The following TTC6 variants were observed in gnomAD, a reference collection of about 807,000 sequenced individuals.
The protein encoded by TTC6 is tetratricopeptide repeat protein 6.
TTC6 carries 172 observed loss-of-function variants against 210.4 expected under a neutral mutation model. That is an observed-to-expected ratio of 0.82 (90% CI 0.72 to 0.93). The LOEUF (loss-of-function observed/expected upper bound fraction) is 0.93, where lower values mean the gene tolerates loss of function less well. Among genes scored for constraint, TTC6 ranks in the 40% least tolerant of loss-of-function variants. The pLI is 0.00. For synonymous variants in TTC6, 804 were observed against 819.6 expected (o/e 0.98, Z 0.32); for missense variants, 2,414 against 2,318.1 (o/e 1.04, Z -0.85).
At chr14:37,803,710 A>G (rs999580318) in intron 20 of TTC6, among the ~76,000 whole-genome samples, 1 of 152,190 alleles carries the variant, frequency 6.6e-6, no homozygotes, top group Admixed American at 6.5e-5. Context: ...AAAGCAATTC[A>G]AAGACAGGAG....
In TTC6 at chr14:37,841,754, C is replaced by A; in HGVS notation, c.5524+84C>A. On this transcript the variant is annotated intron_variant, in intron 30 of 30. Transcript: ENST00000553443. Reference sequence around the variant, plus strand: ...CTACAAAAGAAGAAAATCATTAGGTCTATTTATTTAGATAAACTTACATAA... The same window carrying A: ...CTACAAAAGAAGAAAATCATTAGGTATATTTATTTAGATAAACTTACATAA... 1.2e-5 allele frequency: 13 copies of A among 1,064,688 alleles called. No homozygotes were observed. In the South Asian group the frequency reaches 2.0e-4, roughly 16 times the overall value. The allele number at this position is 1,064,688 out of a possible 1,614,324, so 66.0% of individuals were successfully genotyped here. A position where few individuals can be genotyped will look rare whatever the true frequency, so the allele number is the denominator to read the frequency against.
rs537625080 is a variant in TTC6, at chr14:37,746,803, T to C, written c.2364-2136T>C. Among the ~76,000 whole-genome samples the C allele has an allele frequency of 6.6e-5, 10 of 152,298 alleles. No homozygotes were observed. In the East Asian group the frequency reaches 1.2e-3, roughly 18 times the overall value. On this transcript the variant is annotated intron_variant, in intron 10 of 30. Coordinates refer to ENST00000553443, the Ensembl canonical transcript of TTC6. ...CAGTATAGTCATTGAAAGAAACTTA[T>C]GCAGGAGAGGACTGAGAGTCTCAGT...
chr14:37,802,282 G>A (rs1332987800), intron 20 of TTC6: 1 of 152,138 alleles, frequency 6.6e-6, no homozygotes, highest in African/African-American at 2.4e-5. Flanking sequence ...CAGCTAATGC[G>A]TGCTGGGCTT....
intron 1 of TTC6, among the ~76,000 whole-genome samples, chr14:37,664,051 C>T (rs1463144328): frequency 6.8e-6 from 1 of 147,418 alleles, no homozygotes; most frequent in Non-Finnish European, 1.5e-5. Context: ...TAGGAAGAAT[C>T]AATATTGTGA....
At chr14:37,833,508 G>A (rs933808184) in intron 29 of TTC6, among the ~76,000 whole-genome samples, 9 of 152,054 alleles carry the variant, frequency 5.9e-5, no homozygotes, top group African/African-American at 2.2e-4. Context: ...GGTAAAATGT[G>A]TTTCTTGTAG....
intron 14 of TTC6, among the ~76,000 whole-genome samples, chr14:37,779,795 A>G (rs547879097): frequency 2.8e-4 from 43 of 152,324 alleles, no homozygotes; most frequent in African/African-American, 1.0e-3. Context: ...GAGGAGAACA[A>G]AAAGGTTAAT....
At chr14:37,690,303 A>G (rs869149723) in intron 3 of TTC6, among the ~76,000 whole-genome samples, 2 of 152,116 alleles carry the variant, frequency 1.3e-5, no homozygotes, top group Non-Finnish European at 2.9e-5. Flanking sequence ...AAGACAGGAA[A>G]GGAAGAAGGA....
intron 3 of TTC6, among the ~76,000 whole-genome samples, chr14:37,689,172 A>G (rs1254920212): frequency 1.3e-5 from 2 of 152,104 alleles, no homozygotes; most frequent in East Asian, 3.9e-4. Flanking sequence ...TGCAGTTGGC[A>G]TACTGAAGAA....
chr14:37,597,739 C>T (rs1483982673), intron 1 of TTC6, among the ~76,000 whole-genome samples: 2 of 152,046 alleles, frequency 1.3e-5, no homozygotes, highest in Admixed American at 6.6e-5. Flanking sequence ...CGCCTCCTGT[C>T]GTGGAGAGGG....
intron 1 of TTC6, among the ~76,000 whole-genome samples, chr14:37,635,981 C>CAAAAA (rs71433909): frequency 1.1e-4 from 8 of 70,342 alleles, no homozygotes; most frequent in Non-Finnish European, 1.8e-4. Flanking sequence ...ATTCCATTTC[C>CAAAAA]AAAAAAAAAA....
intron 20 of TTC6, among the ~76,000 whole-genome samples, chr14:37,797,692 G>C (rs958207706): frequency 6.6e-6 from 1 of 150,712 alleles, no homozygotes; most frequent in East Asian, 1.9e-4. Context: ...TTGTCATCAG[G>C]GCGTCTTAAA....
chr14:37,685,429 A>C (rs1281455070), intron 3 of TTC6, among the ~76,000 whole-genome samples: 1 of 152,204 alleles, frequency 6.6e-6, no homozygotes, highest in East Asian at 1.9e-4. Flanking sequence ...GAACAAAAAC[A>C]AGTATTTTTG....
intron 17 of TTC6, among the ~76,000 whole-genome samples, chr14:37,793,345 T>TA (rs2096084838): frequency 2.0e-5 from 3 of 152,006 alleles, no homozygotes; most frequent in East Asian, 1.9e-4. Flanking sequence ...TATACTGAGG[T>TA]AAAAAAACAA....
chr14:37,651,425 A>ATAT (rs1566864654), intron 1 of TTC6, among the ~76,000 whole-genome samples: 1 of 23,916 alleles, frequency 4.2e-5, no homozygotes, highest in Non-Finnish European at 7.4e-5. Flanking sequence ...ATATATATAT[A>ATAT]TTTTTTTTTT....
At chr14:37,648,315 A>G (rs79257411) in intron 1 of TTC6, among the ~76,000 whole-genome samples, 2,167 of 152,296 alleles carry the variant, frequency 0.014, 23 homozygotes, top group Non-Finnish European at 0.022. Flanking sequence ...CAGCTTGCCA[A>G]AAATGTTTAT....
At chr14:37,723,749 C>G (rs1221316858) in intron 6 of TTC6, among the ~76,000 whole-genome samples, 2 of 149,328 alleles carry the variant, frequency 1.3e-5, no homozygotes, top group African/African-American at 2.4e-5. Context: ...CTCCCACCCC[C>G]TTGGGTGAGA....
intron 29 of TTC6, among the ~76,000 whole-genome samples, chr14:37,832,887 G>A (rs958100764): frequency 1.3e-5 from 2 of 151,694 alleles, no homozygotes; most frequent in Non-Finnish European, 2.9e-5. Flanking sequence ...GTGAAACCCT[G>A]CCTCTACTAA....
At position 37,667,357 on chromosome 14, in the gene TTC6, T is replaced by C. The variant is rs951664872; in HGVS notation, c.940-12794T>C. Among the ~76,000 whole-genome samples, 2 of 150,490 alleles carry C rather than the reference T, an allele frequency of 1.3e-5. 1 individual carries two copies. Among genetic ancestry groups the C allele is most frequent in the African/African-American group, 4.8e-5 (2 of 41,290 alleles). ...GCACATTAATACTATGAATCGGATG[T>C]GAATGTCATTGGGGTGGAAATGGAG... On this transcript the variant is annotated intron_variant, in intron 1 of 30. Coordinates refer to ENST00000553443, the Ensembl canonical transcript of TTC6.
intron 14 of TTC6, among the ~76,000 whole-genome samples, chr14:37,766,055 T>A (rs1271235249): frequency 6.6e-6 from 1 of 152,186 alleles, no homozygotes; most frequent in Non-Finnish European, 1.5e-5. Flanking sequence ...TTTGAGTTCA[T>A]CCTGATTGGA....
Sources: gnomAD v4.1 joint callset for allele counts (sites outside exome capture counted in the v4.1 genomes callset) on GRCh38, gnomAD v4.1.1 for gene constraint, MANE v1.5 for transcripts, NCBI Gene and HGNC (gene_info 2026-07-23, HGNC 2026-07-21) for gene names.